CELF2: variants seen among roughly 807,000 people sequenced by gnomAD.
CELF2 encodes the protein CUG triplet repeat RNA-binding protein 2.
A neutral mutation model predicts 62.6 loss-of-function variants in CELF2; 8 were observed. That is an observed-to-expected ratio of 0.13 (90% confidence interval 0.07 to 0.23). CELF2 has a LOEUF of 0.23. CELF2 is among the 10% of genes least tolerant of loss of function. CELF2 has a pLI of 1.00. For missense variants in CELF2, 333 were observed against 671.0 expected (o/e 0.50, Z 5.56); for synonymous variants, 258 against 250.0 (o/e 1.03, Z -0.30).
chr10:10,751,513 T>C, the CELF2 span, among the ~76,000 whole-genome samples: 7 of 152,242 alleles, frequency 4.6e-5, no homozygotes, highest in African/African-American at 1.7e-4. Context: ...ATGTTGTAAT[T>C]CCACCCAGAT....
At chr10:10,823,255 T>C (rs988689363) in intron 1 of CELF2, among the ~76,000 whole-genome samples, 17 of 152,240 alleles carry the variant, frequency 1.1e-4, no homozygotes, top group African/African-American at 3.6e-4. Context: ...AGTGAGTCTG[T>C]AGTTGAATAT....
chr10:11,115,669 A>G (rs1303219436), intron 1 of CELF2, among the ~76,000 whole-genome samples: 3 of 152,240 alleles, frequency 2.0e-5, no homozygotes, highest in Non-Finnish European at 2.9e-5. Context: ...AAGCTACTCA[A>G]AAAGTCACAG....
chr10:10,718,435 C>T, the CELF2 span, among the ~76,000 whole-genome samples: 3 of 152,120 alleles, frequency 2.0e-5, no homozygotes, highest in Admixed American at 1.3e-4. Context: ...ACCAACCTGG[C>T]CAACATGGTG....
intron 1 of CELF2, among the ~76,000 whole-genome samples, chr10:11,060,014 A>ATCT (rs2066338545): frequency 6.6e-6 from 1 of 152,230 alleles, no homozygotes; most frequent in Non-Finnish European, 1.5e-5. Context: ...TCAGAAACAC[A>ATCT]TCTTTGAAAT....
chr10:10,628,121 T>G, the CELF2 span, among the ~76,000 whole-genome samples: 1 of 152,154 alleles, frequency 6.6e-6, no homozygotes, highest in Non-Finnish European at 1.5e-5. Context: ...CAAGCTGGTC[T>G]CAAACTCCTG....
At chr10:10,733,238 C>G in the CELF2 span, among the ~76,000 whole-genome samples, 29 of 152,174 alleles carry the variant, frequency 1.9e-4, no homozygotes, top group African/African-American at 6.5e-4. Context: ...ATCAGTTTCT[C>G]TAAGAGATGT....
At chr10:10,497,630 C>T in the CELF2 span, among the ~76,000 whole-genome samples, 3 of 152,154 alleles carry the variant, frequency 2.0e-5, no homozygotes, top group Non-Finnish European at 2.9e-5. Context: ...AGGAGCCGGC[C>T]ACACCGCTGT....
the CELF2 span, among the ~76,000 whole-genome samples, chr10:10,555,618 C>T: frequency 6.6e-6 from 1 of 152,292 alleles, no homozygotes; most frequent in South Asian, 2.1e-4. Context: ...TAGGTTGTGG[C>T]TTTGGTAAAT....
At chr10:10,920,578 A>G (rs893546151) in intron 2 of CELF2, among the ~76,000 whole-genome samples, 1 of 152,216 alleles carries the variant, frequency 6.6e-6, no homozygotes, top group East Asian at 1.9e-4. Context: ...AATGTGTTTT[A>G]TATGTTTTTG....
intron 1 of CELF2, among the ~76,000 whole-genome samples, chr10:10,908,999 G>T (rs991171916): frequency 6.6e-6 from 1 of 152,146 alleles, no homozygotes; most frequent in Non-Finnish European, 1.5e-5. Context: ...ATGTTGGTCA[G>T]GCTGGTCTCG....
chr10:10,685,818 A>C, the CELF2 span, among the ~76,000 whole-genome samples: 1 of 152,204 alleles, frequency 6.6e-6, no homozygotes, highest in African/African-American at 2.4e-5. Flanking sequence ...AACACATATA[A>C]GACTGTTAGT....
chr10:10,780,844 A>G, the CELF2 span, among the ~76,000 whole-genome samples: 1 of 152,184 alleles, frequency 6.6e-6, no homozygotes, highest in East Asian at 1.9e-4. Flanking sequence ...AGGGGTTTGT[A>G]TTTGACATCA....
chr10:10,686,310 T>TTCG, the CELF2 span, among the ~76,000 whole-genome samples: 8 of 69,756 alleles, frequency 1.1e-4, 1 homozygote. Context: ...TTGGATTTTT[T>TTCG]GGGGGGGGGG....
intron 2 of CELF2, among the ~76,000 whole-genome samples, chr10:10,977,125 T>C (rs1345960204): frequency 1.3e-5 from 2 of 151,918 alleles, no homozygotes; most frequent in Admixed American, 1.3e-4. Flanking sequence ...AAAAAAAAAC[T>C]GCCAGTAGCC....
the CELF2 span, among the ~76,000 whole-genome samples, chr10:10,589,541 C>A: frequency 6.6e-6 from 1 of 152,144 alleles, no homozygotes. Context: ...ATTCGTACAC[C>A]TTTCCTCAGT....
intron 8 of CELF2, among the ~76,000 whole-genome samples, chr10:11,276,966 T>C (rs2138997594): frequency 6.6e-6 from 1 of 152,332 alleles, no homozygotes; most frequent in East Asian, 1.9e-4. Flanking sequence ...AAATTATCCA[T>C]TTCTTGAATC....
At chr10:11,169,013 T>C (rs1397075997) in intron 2 of CELF2, 4 of 152,212 alleles carry the variant, frequency 2.6e-5, no homozygotes, top group African/African-American at 9.7e-5. Flanking sequence ...GCTTCTGAAA[T>C]TGGAGAACCC....
the CELF2 span, among the ~76,000 whole-genome samples, chr10:10,493,311 C>T: frequency 6.6e-6 from 1 of 152,010 alleles, no homozygotes; most frequent in African/African-American, 2.4e-5. Flanking sequence ...CGAATAGGTG[C>T]AGAGTTTCAG....
In CELF2 at chr10:11,280,001, G is replaced by C. The variant is rs1163113571; in HGVS notation, c.841+4881G>C. Among the ~76,000 whole-genome samples the C allele has an allele frequency of 6.6e-6, 1 of 152,094 alleles. No individual in the cohort carries two copies. Among genetic ancestry groups the C allele is most frequent in the Non-Finnish European group, 1.5e-5 (1 of 68,022 alleles). The stretch of plus-strand genomic sequence containing the variant: ...AGCAGAGTGCTTCATGAAGTCAAAT[G>C]CAGTTTTTCTTCTCGGAAAGGAACC... On this transcript the variant is annotated intron_variant, in intron 8 of 12. Transcript: ENST00000633077. This position sits in a 1 kb window ranked among gnomAD's most constrained non-coding sequence, Gnocchi z 7.6.
Sources: gnomAD v4.1 joint callset for allele counts (sites outside exome capture counted in the v4.1 genomes callset) on GRCh38, gnomAD v4.1.1 for gene constraint, Gnocchi (gnomAD v3.1) non-coding constraint, MANE v1.5 for transcripts, NCBI Gene and HGNC (gene_info 2026-07-23, HGNC 2026-07-21) for gene names.